Variants in ZC3H12B observed in about 807,000 individuals in gnomAD.
ZC3H12B encodes zinc finger CCCH-type containing 12B.
Under a neutral mutation model 43.9 loss-of-function variants are expected in ZC3H12B, and 7 were observed. The ratio of observed to expected loss-of-function variants is 0.16; its 90% CI spans 0.09 to 0.30. The LOEUF (loss-of-function observed/expected upper bound fraction) is 0.30, where lower values mean the gene tolerates loss of function less well. Among genes scored for constraint, ZC3H12B ranks in the 10% least tolerant of loss-of-function variants. The pLI, the probability that ZC3H12B is intolerant of heterozygous loss-of-function variation, is 1.00. For synonymous variants in ZC3H12B, 222 were observed against 241.7 expected (o/e 0.92, Z 0.76); for missense variants, 475 against 670.2 (o/e 0.71, Z 3.22).
At chrX:65,311,241 C>T in the ZC3H12B span, among the ~76,000 whole-genome samples, 3 of 111,334 alleles carry the variant, frequency 2.7e-5, no homozygotes, top group African/African-American at 9.8e-5. Flanking sequence ...TTTTGCAATC[C>T]ACCCCTCTGA....
chrX:65,214,852 A>T, the ZC3H12B span, among the ~76,000 whole-genome samples: 2 of 111,421 alleles, frequency 1.8e-5, no homozygotes, highest in South Asian at 7.5e-4. Context: ...ATATATCTTA[A>T]ATAATAATAC....
At chrX:65,481,026 C>T (rs1022242689) in intron 3 of ZC3H12B, among the ~76,000 whole-genome samples, 6 of 111,063 alleles carry the variant, frequency 5.4e-5, no homozygotes, top group South Asian at 3.8e-4. Flanking sequence ...GAGAAACAAA[C>T]GTTACAACTA....
At chrX:65,288,736 C>T in the ZC3H12B span, among the ~76,000 whole-genome samples, 23 of 111,314 alleles carry the variant, frequency 2.1e-4, no homozygotes, top group Admixed American at 1.4e-3. Flanking sequence ...TACTAGAAGT[C>T]CTAGCTAGAG....
chrX:65,412,849 TTG>T (rs1438812898), intron 3 of ZC3H12B, among the ~76,000 whole-genome samples: 1 of 88,407 alleles, frequency 1.1e-5, no homozygotes, highest in African/African-American at 1.2e-4. Context: ...TTGTTTTGTT[TTG>T]TTTTTTTTGA....
the ZC3H12B span, among the ~76,000 whole-genome samples, chrX:65,342,294 G>T: frequency 3.9e-3 from 437 of 111,314 alleles, 1 homozygote; most frequent in Non-Finnish European, 7.5e-3. Flanking sequence ...CTCAGCACTG[G>T]ATCAAATGGG....
At chrX:65,247,936 CA>C in the ZC3H12B span, among the ~76,000 whole-genome samples, 1 of 112,316 alleles carries the variant, frequency 8.9e-6, no homozygotes, top group African/African-American at 3.2e-5. Context: ...AAATTGCTAA[CA>C]TGCCTTAAAA....
the ZC3H12B span, among the ~76,000 whole-genome samples, chrX:65,199,473 G>C: frequency 9.0e-6 from 1 of 110,561 alleles, no homozygotes; most frequent in African/African-American, 3.3e-5. Context: ...AGGGGTACAT[G>C]AGCAGGATGT....
chrX:65,328,140 A>T, the ZC3H12B span: 1 of 229,831 alleles, frequency 4.4e-6, no homozygotes, highest in South Asian at 7.3e-5. Flanking sequence ...GTCTAGGCCA[A>T]CATTGCTCCA....
chrX:65,333,859 C>A, the ZC3H12B span, among the ~76,000 whole-genome samples: 1 of 111,702 alleles, frequency 9.0e-6, no homozygotes, highest in African/African-American at 3.2e-5. Context: ...CTGTAGCATA[C>A]AACAATTTTA....
chrX:65,122,525 C>A, the ZC3H12B span, among the ~76,000 whole-genome samples: 13 of 111,337 alleles, frequency 1.2e-4, no homozygotes, highest in African/African-American at 2.6e-4. Flanking sequence ...ATCAAATTCA[C>A]ACATAACATT....
the ZC3H12B span, among the ~76,000 whole-genome samples, chrX:65,195,529 T>A: frequency 8.9e-6 from 1 of 112,534 alleles, no homozygotes; most frequent in Admixed American, 9.4e-5. Context: ...ACTATCTATG[T>A]ATATCTTATT....
chrX:65,121,522 C>G, the ZC3H12B span, among the ~76,000 whole-genome samples: 1 of 111,267 alleles, frequency 9.0e-6, no homozygotes, highest in Non-Finnish European at 1.9e-5. Context: ...TTTATTCCGT[C>G]TATTTGATTC....
At chrX:65,109,227 C>G in the ZC3H12B span, among the ~76,000 whole-genome samples, 1 of 111,585 alleles carries the variant, frequency 9.0e-6, no homozygotes, top group Admixed American at 9.6e-5. Flanking sequence ...ATACAATGCA[C>G]CTGCTTAAAG....
chrX:65,290,625 A>T, the ZC3H12B span, among the ~76,000 whole-genome samples: 1 of 111,427 alleles, frequency 9.0e-6, no homozygotes, highest in Non-Finnish European at 1.9e-5. Context: ...CAATAGATGA[A>T]TGGGCAAAGA....
exon 5 of ZC3H12B, chrX:65,502,043 G>A: frequency 8.3e-7 from 1 of 1,211,172 alleles, no homozygotes. Context: ...GGAGCCTGAG[G>A]AATGGCTGTC....
the ZC3H12B span, among the ~76,000 whole-genome samples, chrX:65,129,955 T>C: frequency 9.0e-6 from 1 of 111,182 alleles, no homozygotes; most frequent in East Asian, 2.8e-4. Flanking sequence ...TGGTTTTGTA[T>C]GAATTGAGAA....
At chrX:65,310,834 A>T in the ZC3H12B span, among the ~76,000 whole-genome samples, 1 of 111,862 alleles carries the variant, frequency 8.9e-6, no homozygotes, top group Non-Finnish European at 1.9e-5. Flanking sequence ...GGCCTCAGAA[A>T]TAACACCACA....
At chrX:65,055,130 G>C in the ZC3H12B span, among the ~76,000 whole-genome samples, 4 of 111,353 alleles carry the variant, frequency 3.6e-5, no homozygotes, top group Admixed American at 3.8e-4. Flanking sequence ...ATGTTGAATA[G>C]GAGTGGTGAG....
the ZC3H12B span, among the ~76,000 whole-genome samples, chrX:65,257,559 A>G: frequency 8.1e-5 from 9 of 110,866 alleles, no homozygotes; most frequent in African/African-American, 2.6e-4. Context: ...TATGTAACAA[A>G]CCTGCACATT....
Sources: allele counts gnomAD v4.1 joint callset (sites outside exome capture counted in the v4.1 genomes callset), GRCh38; gene constraint gnomAD v4.1.1; transcripts MANE v1.5; gene names NCBI Gene and HGNC (gene_info 2026-07-23, HGNC 2026-07-21).